PATJ: variants seen among roughly 807,000 people sequenced by gnomAD.
The protein encoded by PATJ is inaD-like protein.
Under a neutral mutation model 224.9 loss-of-function variants are expected in PATJ, and 190 were observed. The ratio of observed to expected loss-of-function variants is 0.84; its 90% CI spans 0.75 to 0.95. The LOEUF is 0.95. Among genes scored for constraint, PATJ ranks in the 40% least tolerant of loss-of-function variants. The probability of loss-of-function intolerance (pLI) is 0.00; values close to 1 mark genes in which losing one functional copy is unlikely to be tolerated. For missense variants in PATJ, 2,121 were observed against 2,270.3 expected (o/e 0.93, Z 1.34); for synonymous variants, 769 against 820.3 (o/e 0.94, Z 1.07).
intron 14 of PATJ, among the ~76,000 whole-genome samples, chr1:61,814,572 G>T (rs1409914762): frequency 6.6e-6 from 1 of 151,782 alleles, no homozygotes; most frequent in Non-Finnish European, 1.5e-5. Flanking sequence ...ATGTATGTGG[G>T]ATAGAAGGGG....
intron 28 of PATJ, among the ~76,000 whole-genome samples, chr1:61,990,852 G>A (rs1489968337): frequency 2.0e-5 from 3 of 152,256 alleles, no homozygotes; most frequent in African/African-American, 7.2e-5. Context: ...GGCTACATAG[G>A]TTCTTTCTTT....
intron 34 of PATJ, among the ~76,000 whole-genome samples, chr1:62,112,651 C>T (rs1663987748): frequency 6.6e-6 from 1 of 152,240 alleles, no homozygotes; most frequent in South Asian, 2.1e-4. Flanking sequence ...AGCTCAAGCA[C>T]TCTACCATCT....
intron 7 of PATJ, among the ~76,000 whole-genome samples, chr1:61,785,029 CT>C (rs1375176180): frequency 6.6e-6 from 1 of 152,162 alleles, no homozygotes; most frequent in East Asian, 1.9e-4. Context: ...TTATTTCAAT[CT>C]AAAGCATTCC....
At chr1:61,920,702 C>CTTTTTTTTTTTTTT (rs71582652) in intron 26 of PATJ, among the ~76,000 whole-genome samples, 1 of 89,508 alleles carries the variant, frequency 1.1e-5, no homozygotes, top group Non-Finnish European at 2.1e-5. Context: ...GTATGGAATT[C>CTTTTTTTTTTTTTT]TTTTTTTTTT....
At chr1:62,074,964 A>G (rs1442938335) in intron 31 of PATJ, among the ~76,000 whole-genome samples, 1 of 152,190 alleles carries the variant, frequency 6.6e-6, no homozygotes, top group Non-Finnish European at 1.5e-5. Flanking sequence ...GCTCTGTCTC[A>G]AAAACAAACA....
At chr1:62,119,510 G>A (rs934423682) in intron 37 of PATJ, among the ~76,000 whole-genome samples, 1 of 152,050 alleles carries the variant, frequency 6.6e-6, no homozygotes, top group African/African-American at 2.4e-5. Context: ...TCTAGCTTTG[G>A]GGCCACCAAG....
intron 27 of PATJ, chr1:61,952,422 T>C (rs1679850649): frequency 1.4e-6 from 1 of 717,336 alleles, no homozygotes; most frequent in Non-Finnish European, 2.6e-6. Flanking sequence ...GTAAGATTTC[T>C]GTTGCCTGTG....
chr1:61,913,464 T>C (rs1305939139), intron 25 of PATJ, among the ~76,000 whole-genome samples: 1 of 152,234 alleles, frequency 6.6e-6, no homozygotes, highest in African/African-American at 2.4e-5. Flanking sequence ...TGCCTTAGCC[T>C]CTCAAAGTGC....
rs1391160991 is a variant in PATJ, at chr1:62,140,913, A to G, written c.5272-7371A>G. Reference sequence around the variant, plus strand: ...GAGAGAGCAAGACCTCATCTCTAAAAATAAAATAAAAGCTAGACAGCTTTC... The same window carrying G: ...GAGAGAGCAAGACCTCATCTCTAAAGATAAAATAAAAGCTAGACAGCTTTC... On this transcript the variant is annotated intron_variant, in intron 41 of 43. Coordinates refer to ENST00000642238, the MANE Select transcript of PATJ (RefSeq NM_001350145.3). Among the ~76,000 whole-genome samples, 3 of 151,942 alleles carry G rather than the reference A, an allele frequency of 2.0e-5. No individual in the cohort carries two copies. In the East Asian group the frequency reaches 5.8e-4, roughly 29 times the overall value.
intron 28 of PATJ, among the ~76,000 whole-genome samples, chr1:61,992,483 T>C (rs998143782): frequency 6.6e-6 from 1 of 152,204 alleles, no homozygotes; most frequent in African/African-American, 2.4e-5. Context: ...TTTGATGCTT[T>C]AGTCTTCAGG....
At chr1:61,795,683 T>C in intron 10 of PATJ, 125 bp downstream of exon 10, 1 of 528,344 alleles carries the variant, frequency 1.9e-6, no homozygotes, top group East Asian at 3.2e-5. Context: ...AAATTAAGTT[T>C]GTTATACAGT....
chr1:61,954,764 T>C (rs1163487680), intron 27 of PATJ, among the ~76,000 whole-genome samples: 1 of 151,168 alleles, frequency 6.6e-6, no homozygotes, highest in African/African-American at 2.4e-5. Flanking sequence ...TGTTTTTTTT[T>C]TTTTTTTGAG....
At position 61,762,896 on chromosome 1, in the gene PATJ, C is replaced by T. The variant is rs1646045504; in HGVS notation, c.4C>T (p.Pro2Ser). 6.5e-7 allele frequency: 1 copy of T among 1,537,108 alleles called. No individual in the cohort carries two copies. Among genetic ancestry groups the T allele is most frequent in the Non-Finnish European group, 8.9e-7 (1 of 1,126,116 alleles). M[P>S]ENPATDKLQV... ...TGATTGAAGAGAATAATTCAAAATGCCTGAAAATCCTGCTACAGGTATACT... is the reference window on the plus strand; with the variant it reads ...TGATTGAAGAGAATAATTCAAAATGTCTGAAAATCCTGCTACAGGTATACT... Residue 2 changes from proline to serine, a missense_variant, in exon 2 of 44, where the codon CCT becomes TCT. By Grantham distance (74) the Pro-to-Ser change is moderately conservative. Transcript: ENST00000642238.
intron 28 of PATJ, among the ~76,000 whole-genome samples, chr1:62,012,440 A>AATAG (rs765947928): frequency 3.3e-5 from 5 of 152,218 alleles, no homozygotes; most frequent in Admixed American, 6.5e-5. Context: ...AACTGTAGTT[A>AATAG]ACCTAATAGA....
intron 33 of PATJ, among the ~76,000 whole-genome samples, chr1:62,104,187 T>C (rs1225817762): frequency 6.6e-6 from 1 of 152,072 alleles, no homozygotes; most frequent in African/African-American, 2.4e-5. Flanking sequence ...GCTTGAATAA[T>C]TCAAGAGCAT....
chr1:62,007,305 C>A (rs1646149709), intron 28 of PATJ, among the ~76,000 whole-genome samples: 1 of 152,216 alleles, frequency 6.6e-6, no homozygotes, highest in South Asian at 2.1e-4. Flanking sequence ...GTTACTAGAA[C>A]TATCTGGAAG....
intron 33 of PATJ, among the ~76,000 whole-genome samples, chr1:62,085,537 T>C (rs1659851328): frequency 6.6e-6 from 1 of 152,042 alleles, no homozygotes; most frequent in Non-Finnish European, 1.5e-5. Flanking sequence ...CATTATTTAA[T>C]GGAATTGTAG....
At chr1:62,120,294 A>G (rs1664895944) in intron 37 of PATJ, among the ~76,000 whole-genome samples, 1 of 152,212 alleles carries the variant, frequency 6.6e-6, no homozygotes, top group African/African-American at 2.4e-5. Flanking sequence ...CAGCTTTTCT[A>G]TATATTTGAA....
At chr1:62,096,566 C>G (rs1661420006) in intron 33 of PATJ, among the ~76,000 whole-genome samples, 1 of 152,060 alleles carries the variant, frequency 6.6e-6, no homozygotes. Context: ...ATTTTGGGAT[C>G]ACCATAATAA....
Sources: gnomAD v4.1 joint callset for allele counts (sites outside exome capture counted in the v4.1 genomes callset) on GRCh38, gnomAD v4.1.1 for gene constraint, MANE v1.5 for transcripts, NCBI Gene and HGNC (gene_info 2026-07-23, HGNC 2026-07-21) for gene names.